CUX2: variants seen among roughly 807,000 people sequenced by gnomAD.
The protein encoded by CUX2 is homeobox protein cut-like 2.
A neutral mutation model predicts 144.8 loss-of-function variants in CUX2; 40 were observed. The observed-to-expected ratio is 0.28, with a 90% CI of 0.21 to 0.36. The LOEUF (loss-of-function observed/expected upper bound fraction) is 0.36. CUX2 is among the 10% of genes least tolerant of loss of function. The pLI is 1.00. For missense variants in CUX2, 1,615 were observed against 1,994.0 expected, an observed-to-expected ratio of 0.81 and a Z score of 3.62; for synonymous variants, 827 against 875.6, an observed-to-expected ratio of 0.94 and a Z score of 0.98.
Position 111,068,845 on chromosome 12 carries a change from C to A in CUX2, c.63+34605C>A, listed in dbSNP as rs938531485. Among the ~76,000 whole-genome samples the A allele has an allele frequency of 6.6e-6, 1 of 152,146 alleles. No individual in the cohort carries two copies. Among genetic ancestry groups the A allele is most frequent in the Non-Finnish European group, 1.5e-5 (1 of 68,022 alleles). On this transcript the variant is annotated intron_variant, in intron 1 of 21. Coordinates refer to ENST00000261726, the MANE Select transcript of CUX2 (RefSeq NM_015267.4). The surrounding 1 kb of genome is among the most constrained non-coding windows in gnomAD (Gnocchi z 4.9). ...CCTGGGCAGGGTTTGGTGGCTCATGCCTGTCATCCCAGCACTTTGGGAGGC... is the reference window on the plus strand; with the variant it reads ...CCTGGGCAGGGTTTGGTGGCTCATGACTGTCATCCCAGCACTTTGGGAGGC...
Position 111,184,551 on chromosome 12 carries a change from A to AC in CUX2, c.64-29648dup, listed in dbSNP as rs528844599. On this transcript the variant is annotated intron_variant, in intron 1 of 21. Coordinates refer to ENST00000261726, the MANE Select transcript of CUX2 (RefSeq NM_015267.4). ...AAATGGCACACTGTCAGCCTAGGCAACATGGCAAACCTTCTCTCTACCAAA... is the reference window on the plus strand; with the variant it reads ...AAATGGCACACTGTCAGCCTAGGCAACCATGGCAAACCTTCTCTCTACCAAA... Among the ~76,000 whole-genome samples the AC allele has an allele frequency of 1.8e-3, 270 of 149,674 alleles. 1 individual carries two copies. The Middle Eastern group carries it at 0.021, about 12-fold the overall frequency.
chr12:111,044,435 CA>C (rs1373096690), intron 1 of CUX2, among the ~76,000 whole-genome samples: 1 of 151,948 alleles, frequency 6.6e-6, no homozygotes, highest in Non-Finnish European at 1.5e-5. Flanking sequence ...TGCTGTGCCT[CA>C]AACAAGCCAA....
chr12:111,310,057 G>C lies in CUX2; in HGVS notation c.1275G>C (p.Glu425Asp). Residue 425 changes from glutamate to aspartate, a missense_variant, in exon 15 of 22, where the codon GAG becomes GAC. Glu to Asp is a conservative substitution (Grantham distance 45). Transcript: ENST00000261726. The surrounding 1 kb of genome is among the most constrained non-coding windows in gnomAD (Gnocchi z 7.9). ...GTGTTCTAGAGGAAGACCCATCAGA[G>C]GACGATTCCATCAAGGATTCACTGG... ...LLASPEEDPS[E>D]DDSIKDSLGT... The C allele has an allele frequency of 7.3e-7, 1 of 1,361,224 alleles. No homozygotes were observed. The highest frequency in any genetic ancestry group is 9.5e-7 in the Non-Finnish European group (1 of 1,057,288). 84.3% of individuals were successfully genotyped at this position (1,361,224 alleles called of 1,614,324 possible).
rs528129107 is a variant in CUX2 at position 111,092,805 on chromosome 12, A to ATTT, written c.63+58590_63+58592dup. Among the ~76,000 whole-genome samples the ATTT allele has an allele frequency of 4.8e-4, 51 of 106,030 alleles. 1 individual carries two copies. Among genetic ancestry groups the ATTT allele is most frequent in the South Asian group, 1.8e-3 (4 of 2,186 alleles). 69.6% of individuals were successfully genotyped at this position (106,030 alleles called of 152,430 possible). ...GATAAGGAAACCAAAGCTCTGGCAG[A>ATTT]TTTTTTTTTTTTTTTTTTTTTTTTT... On this transcript the variant is annotated intron_variant, in intron 1 of 21. Transcript: ENST00000261726.
intron 1 of CUX2, among the ~76,000 whole-genome samples, chr12:111,204,574 TA>T (rs889266772): frequency 2.0e-5 from 3 of 152,104 alleles, no homozygotes; most frequent in African/African-American, 7.2e-5. Flanking sequence ...ATCAGAAAGT[TA>T]TAGGTTCGGG....
intron 4 of CUX2, among the ~76,000 whole-genome samples, chr12:111,284,667 TG>T (rs1196576320): frequency 1.3e-5 from 2 of 152,212 alleles, no homozygotes; most frequent in Non-Finnish European, 2.9e-5. Context: ...AATGAGTAAG[TG>T]GCAGAGATGG....
Position 111,287,610 on chromosome 12 carries a change from T to C in CUX2, c.302-3808T>C, listed in dbSNP as rs761052165. On this transcript the variant is annotated intron_variant, in intron 4 of 21. Transcript: ENST00000261726. This position sits in a 1 kb window ranked among gnomAD's most constrained non-coding sequence, Gnocchi z 4.2. ...GCGCTTGCTGGGTTAATTATGTCAA[T>C]GTATAATTACATCAGCCCGGGGAGA... 3.9e-5 allele frequency among the ~76,000 whole-genome samples: 6 copies of C among 152,274 alleles called. No homozygotes were observed. The highest frequency in any genetic ancestry group is 5.9e-5 in the Non-Finnish European group (4 of 68,052).
At chr12:111,267,910 C>A (rs978323091) in intron 4 of CUX2, among the ~76,000 whole-genome samples, 1 of 152,216 alleles carries the variant, frequency 6.6e-6, no homozygotes, top group African/African-American at 2.4e-5. Flanking sequence ...CAACCTCAGA[C>A]TTCTGGGCTC....
rs548124838 is a variant in CUX2, at chr12:111,293,300, C to T, written c.437-146C>T. On this transcript the variant is annotated intron_variant, in intron 5 of 21. Coordinates refer to ENST00000261726, the MANE Select transcript of CUX2 (RefSeq NM_015267.4). The surrounding 1 kb of genome is among the most constrained non-coding windows in gnomAD (Gnocchi z 4.5). ...ACCTGTGTGCTGAGGACATGCGGCC[C>T]GCAGGGCCCCACAGCTGCGCTCTCT... is the stretch of plus-strand genomic sequence containing the variant. The T allele has an allele frequency of 1.7e-5, 22 of 1,265,770 alleles. No homozygotes were observed. Among genetic ancestry groups the T allele is most frequent in the Middle Eastern group, 2.6e-4 (1 of 3,778 alleles). 78.4% of individuals were successfully genotyped at this position (1,265,770 alleles called of 1,614,324 possible). A position where few individuals can be genotyped will look rare whatever the true frequency, so the allele number is the denominator to read the frequency against.
chr12:111,268,917 G>A (rs544156574), intron 4 of CUX2, among the ~76,000 whole-genome samples: 30 of 152,244 alleles, frequency 2.0e-4, no homozygotes, highest in African/African-American at 7.0e-4. Flanking sequence ...GCTCTCCCAC[G>A]GCACCCCGTA....
chr12:111,195,782 A>G (rs1880202794), intron 1 of CUX2, among the ~76,000 whole-genome samples: 1 of 152,224 alleles, frequency 6.6e-6, no homozygotes, highest in African/African-American at 2.4e-5. Context: ...AGCCAGCACA[A>G]GCCTTATGAA....
chr12:111,238,948 G>A (rs1882891442), intron 3 of CUX2, among the ~76,000 whole-genome samples: 1 of 152,222 alleles, frequency 6.6e-6, no homozygotes, highest in African/African-American at 2.4e-5. Context: ...GGGAGGCTGA[G>A]GCTTGAGAAT....
At chr12:111,197,375 C>T (rs578006726) in intron 1 of CUX2, among the ~76,000 whole-genome samples, 46 of 152,326 alleles carry the variant, frequency 3.0e-4, no homozygotes, top group African/African-American at 9.9e-4. Context: ...CATCCTCATC[C>T]GTGAAAGCTG....
intron 1 of CUX2, among the ~76,000 whole-genome samples, chr12:111,161,737 C>CT (rs143041957): frequency 0.025 from 3,733 of 152,138 alleles, 153 homozygotes; most frequent in African/African-American, 0.085. Flanking sequence ...CATTTCTTTT[C>CT]TTTTTTTGTT....
intron 5 of CUX2, among the ~76,000 whole-genome samples, chr12:111,292,075 G>A (rs1462962115): frequency 6.6e-6 from 1 of 152,178 alleles, no homozygotes; most frequent in Non-Finnish European, 1.5e-5. Flanking sequence ...ACATGACCCA[G>A]CAGCGCCACG....
In CUX2 at chr12:111,291,517, C is replaced by A; in HGVS notation, c.401C>A (p.Ser134Ter). The change falls in exon 5 of 22, where the codon TCG (serine) becomes TAG (stop). Residue 134 changes from serine (S) to a stop codon, truncating the protein, a stop_gained. Transcript: ENST00000261726. LOFTEE classifies it high-confidence loss of function. Reference sequence around the variant, plus strand: ...CAGCCCCGGCGAGACCTCCACACTTCGTGGAAGAGGAACCCCGAGCTCCTC... The same window carrying A: ...CAGCCCCGGCGAGACCTCCACACTTAGTGGAAGAGGAACCCCGAGCTCCTC... ...SGQPRRDLHTSWKRNPELLSP... is the reference protein window; with the variant it reads ...SGQPRRDLHT 1 of 1,611,604 alleles carries A rather than the reference C, an allele frequency of 6.2e-7. No homozygotes were observed. The highest frequency in any genetic ancestry group is 1.1e-5 in the South Asian group (1 of 90,190).
chr12:111,256,047 CCT>C (rs1463579831), intron 3 of CUX2, among the ~76,000 whole-genome samples: 1 of 152,066 alleles, frequency 6.6e-6, no homozygotes, highest in Non-Finnish European at 1.5e-5. Context: ...CCAAAGCACC[CCT>C]GAGTGGTCAA....
At position 111,347,803 on chromosome 12, in the gene CUX2, C is replaced by T. The variant is rs781256457; in HGVS notation, c.3939C>T (p.Ser1313=). ...MEEDAEEEAG[S]QPQDSGELDK... is the part of the protein sequence containing the mutation. The stretch of plus-strand genomic sequence containing the variant: ...AGGATGCTGAGGAAGAGGCAGGCAG[C>T]CAGCCCCAGGACTCAGGGGAGCTGG... The change falls in exon 22 of 22, where the codon AGC becomes AGT. Residue 1313 remains serine (S), a synonymous_variant. Transcript: ENST00000261726. 1 of 1,613,982 alleles carries T rather than the reference C, an allele frequency of 6.2e-7. No individual in the cohort carries two copies. Among genetic ancestry groups the T allele is most frequent in the South Asian group, 1.1e-5 (1 of 91,070 alleles).
At position 111,341,774 on chromosome 12, in the gene CUX2, C is replaced by A; in HGVS notation, c.3386-6C>A. 1.3e-6 allele frequency: 2 copies of A among 1,578,908 alleles called. No homozygotes were observed. ...CTCTCAGCCCTCCCTCTCTTCCTGG[C>A]CCCAGCCTACCTGAAACGTCGCTAT... On this transcript the variant is annotated splice_region_variant and splice_polypyrimidine_tract_variant and intron_variant, in intron 20 of 21. Coordinates refer to ENST00000261726, the MANE Select transcript of CUX2 (RefSeq NM_015267.4).
Sources: allele counts gnomAD v4.1 joint callset (sites outside exome capture counted in the v4.1 genomes callset), GRCh38; gene constraint gnomAD v4.1.1; non-coding constraint Gnocchi (gnomAD v3.1); transcripts MANE v1.5; gene names NCBI Gene and HGNC (gene_info 2026-07-23, HGNC 2026-07-21).